ENOX1: variants seen among roughly 807,000 people sequenced by gnomAD.
ENOX1 encodes candidate growth-related and time keeping constitutive hydroquinone (NADH) oxidase.
In ENOX1, 42 loss-of-function variants were observed where a neutral mutation model predicts 82.5. That is an observed-to-expected ratio of 0.51 (90% CI 0.40 to 0.66). ENOX1 has a LOEUF of 0.66. Among genes scored for constraint, ENOX1 ranks in the 30% least tolerant of loss-of-function variants. The probability of loss-of-function intolerance (pLI) is 0.00; values close to 1 mark genes in which losing one functional copy is unlikely to be tolerated. For missense variants in ENOX1, 608 were observed against 811.6 expected (o/e 0.75, Z 3.05); for synonymous variants, 271 against 282.2 (o/e 0.96, Z 0.40).
chr13:43,385,137 T>C (rs960268778), intron 5 of ENOX1, among the ~76,000 whole-genome samples: 1 of 152,176 alleles, frequency 6.6e-6, no homozygotes, highest in Non-Finnish European at 1.5e-5. Context: ...CTTTTTTCTG[T>C]ACATTTGGGA....
chr13:43,317,327 C>T (rs1566496733), intron 11 of ENOX1, among the ~76,000 whole-genome samples: 1 of 152,194 alleles, frequency 6.6e-6, no homozygotes, highest in Non-Finnish European at 1.5e-5. Flanking sequence ...GCACCCTGGT[C>T]TGGTATTTAG....
At chr13:43,412,294 AGGTACCCCT>A (rs1048207177) in intron 4 of ENOX1, among the ~76,000 whole-genome samples, 3 of 152,204 alleles carry the variant, frequency 2.0e-5, no homozygotes, top group African/African-American at 7.2e-5. Flanking sequence ...GCTATTAAGG[AGGTACCCCT>A]GGAAAAAAAT....
At chr13:43,608,284 G>A (rs1411530281) in intron 2 of ENOX1, among the ~76,000 whole-genome samples, 3 of 151,986 alleles carry the variant, frequency 2.0e-5, no homozygotes, top group African/African-American at 4.8e-5. Flanking sequence ...CTTTTTCCCC[G>A]AAACTGAAGT....
In ENOX1 at chr13:43,355,984, G is replaced by A; in HGVS notation, c.758C>T (p.Pro253Leu). The A allele has an allele frequency of 6.2e-7, 1 of 1,613,856 alleles. No individual in the cohort carries two copies. The change falls in exon 8 of 17, where the codon CCA becomes CTA. Residue 253 changes from proline to leucine, a missense_variant. By Grantham distance (98) the Pro-to-Leu change is moderately conservative. Coordinates refer to ENST00000690772, the MANE Select transcript of ENOX1 (RefSeq NM_001347969.2). ...GTAGTGCATTATGGCAGGCGGGGATGGGGGCCTGAGCCGGTCCTCCTCCAG... is the reference window on the plus strand; with the variant it reads ...GTAGTGCATTATGGCAGGCGGGGATAGGGGCCTGAGCCGGTCCTCCTCCAG... ...RKLEEDRLRP[P>L]SPPAIMHYSE...
intron 13 of ENOX1, among the ~76,000 whole-genome samples, chr13:43,269,154 A>C (rs2044546228): frequency 6.6e-6 from 1 of 152,216 alleles, no homozygotes; most frequent in African/African-American, 2.4e-5. Flanking sequence ...CTTAAGAGGA[A>C]ACCAGCTGCT....
intron 1 of ENOX1, among the ~76,000 whole-genome samples, chr13:43,765,771 C>T (rs982613027): frequency 3.3e-5 from 5 of 152,094 alleles, no homozygotes; most frequent in Admixed American, 2.0e-4. Context: ...AATCATTACC[C>T]AGTTCGTTCA....
intron 1 of ENOX1, among the ~76,000 whole-genome samples, chr13:43,737,789 T>G (rs1458330621): frequency 4.6e-5 from 7 of 152,192 alleles, no homozygotes; most frequent in Non-Finnish European, 8.8e-5. Flanking sequence ...TTACCTTGAC[T>G]TTTATTATTT....
chr13:43,719,675 T>C lies in ENOX1; in HGVS notation c.-284-52131A>G, dbSNP rs188937481. 2.2e-3 allele frequency among the ~76,000 whole-genome samples: 334 copies of C among 151,962 alleles called. 2 individuals carry two copies. The highest frequency in any genetic ancestry group is 1.7e-3 in the Admixed American group (26 of 15,280). ...GAGAACCCTAACGTAGCGCACCAAG[T>C]GTGGACAGTCTCGGAACATGCAATG... On this transcript the variant is annotated intron_variant, in intron 1 of 16. Coordinates refer to ENST00000690772, the MANE Select transcript of ENOX1 (RefSeq NM_001347969.2).
intron 5 of ENOX1, among the ~76,000 whole-genome samples, chr13:43,403,480 T>C (rs548136150): frequency 1.2e-3 from 180 of 152,344 alleles, no homozygotes; most frequent in Admixed American, 2.4e-3. Flanking sequence ...TTACCTTATA[T>C]AGTACATGGG....
intron 5 of ENOX1, among the ~76,000 whole-genome samples, chr13:43,400,976 T>G (rs1477538019): frequency 6.6e-6 from 1 of 152,180 alleles, no homozygotes; most frequent in Non-Finnish European, 1.5e-5. Flanking sequence ...TCCAGCTGAG[T>G]AACCTTGGGT....
At chr13:43,372,400 T>C (rs907836988) in intron 5 of ENOX1, among the ~76,000 whole-genome samples, 1 of 152,220 alleles carries the variant, frequency 6.6e-6, no homozygotes, top group Admixed American at 6.5e-5. Flanking sequence ...CATGCTTCCC[T>C]TCCTTTCTAG....
At chr13:43,656,328 G>C (rs905873908) in intron 2 of ENOX1, among the ~76,000 whole-genome samples, 1 of 152,184 alleles carries the variant, frequency 6.6e-6, no homozygotes, top group African/African-American at 2.4e-5. Context: ...AAGAATGCCA[G>C]TGTTTTTCAA....
intron 1 of ENOX1, among the ~76,000 whole-genome samples, chr13:43,670,750 G>T (rs1166822368): frequency 5.3e-5 from 8 of 152,120 alleles, no homozygotes; most frequent in Non-Finnish European, 1.2e-4. Context: ...GGCTGAGGCA[G>T]GAGAATTGCT....
At chr13:43,369,571 C>T (rs934297210) in intron 5 of ENOX1, among the ~76,000 whole-genome samples, 1 of 152,198 alleles carries the variant, frequency 6.6e-6, no homozygotes, top group African/African-American at 2.4e-5. Context: ...TACTAAAACA[C>T]ACACGTCTTG....
At chr13:43,317,977 C>A (rs988549192) in intron 11 of ENOX1, among the ~76,000 whole-genome samples, 4 of 151,754 alleles carry the variant, frequency 2.6e-5, no homozygotes, top group African/African-American at 9.7e-5. Context: ...TGCACTCCAG[C>A]CTGGGTGACA....
At chr13:43,435,972 G>A (rs55981227) in intron 3 of ENOX1, among the ~76,000 whole-genome samples, 1,579 of 151,362 alleles carry the variant, frequency 0.01, 31 homozygotes, top group African/African-American at 0.037. Flanking sequence ...GAGAGACAGA[G>A]AGAAAGTGCG....
At chr13:43,477,912 G>A (rs1359258219) in intron 3 of ENOX1, among the ~76,000 whole-genome samples, 4 of 151,986 alleles carry the variant, frequency 2.6e-5, no homozygotes, top group Non-Finnish European at 5.9e-5. Flanking sequence ...TTTCAAAATT[G>A]CCAATAAACA....
intron 1 of ENOX1, among the ~76,000 whole-genome samples, chr13:43,779,460 C>T (rs1188702381): frequency 1.3e-5 from 2 of 152,152 alleles, no homozygotes; most frequent in Non-Finnish European, 2.9e-5. Flanking sequence ...TACTAAGCTT[C>T]CCCACACACG....
chr13:43,671,805 C>T (rs1165444677), intron 1 of ENOX1, among the ~76,000 whole-genome samples: 3 of 152,150 alleles, frequency 2.0e-5, no homozygotes, highest in Non-Finnish European at 4.4e-5. Context: ...CCTCTGAATT[C>T]AGGGACTAGG....
Sources: gnomAD v4.1 joint callset for allele counts (sites outside exome capture counted in the v4.1 genomes callset) on GRCh38, gnomAD v4.1.1 for gene constraint, MANE v1.5 for transcripts, NCBI Gene and HGNC (gene_info 2026-07-23, HGNC 2026-07-21) for gene names.